Variants in ARL8B observed in about 807,000 individuals in gnomAD.
ARL8B encodes the protein ARF like GTPase 8B.
Under a neutral mutation model 30.6 loss-of-function variants are expected in ARL8B, and 9 were observed. The observed-to-expected ratio is 0.29, with a 90% CI of 0.18 to 0.51. The LOEUF is 0.51. Among genes scored for constraint, ARL8B ranks in the 20% least tolerant of loss-of-function variants. The pLI, the probability that ARL8B is intolerant of heterozygous loss-of-function variation, is 0.97. For synonymous variants in ARL8B, 74 were observed against 76.0 expected, an observed-to-expected ratio of 0.97 and a Z score of 0.14; for missense variants, 130 against 227.2, an observed-to-expected ratio of 0.57 and a Z score of 2.75.
rs2054766218 is a variant in ARL8B, at chr3:5,180,159, G to A, written c.*1446G>A. 2.0e-5 allele frequency: 3 copies of A among 152,650 alleles called. No individual in the cohort carries two copies. The highest frequency in any genetic ancestry group is 1.3e-4 in the Admixed American group (2 of 15,278). 9.5% of individuals were successfully genotyped at this position (152,650 alleles called of 1,614,324 possible). On this transcript the variant is annotated 3_prime_UTR_variant, in exon 7 of 7. Coordinates refer to ENST00000256496, the MANE Select transcript of ARL8B (RefSeq NM_018184.3). ...TTGAGCACTCAGAGTGTAGTCAACA[G>A]TAAGTTCTTTTAATGAATATCAGTT...
At chr3:5,171,552 T>C (rs1310161634) in intron 2 of ARL8B, among the ~76,000 whole-genome samples, 2 of 152,122 alleles carry the variant, frequency 1.3e-5, no homozygotes, top group East Asian at 3.9e-4. Flanking sequence ...TTCACTGTGT[T>C]GGCCAGGCTG....
At chr3:5,141,372 TCTTC>T (rs577940504) in intron 1 of ARL8B, among the ~76,000 whole-genome samples, 2 of 152,382 alleles carry the variant, frequency 1.3e-5, no homozygotes, top group South Asian at 4.1e-4. Context: ...TCATTTACTT[TCTTC>T]CTTATAGGAG....
At chr3:5,168,743 T>C (rs1263961162) in intron 1 of ARL8B, among the ~76,000 whole-genome samples, 1 of 152,218 alleles carries the variant, frequency 6.6e-6, no homozygotes, top group Admixed American at 6.5e-5. Context: ...CATTAAATCA[T>C]GTTCTATAGG....
At chr3:5,148,506 A>G (rs1028727389) in intron 1 of ARL8B, among the ~76,000 whole-genome samples, 1 of 151,916 alleles carries the variant, frequency 6.6e-6, no homozygotes, top group Non-Finnish European at 1.5e-5. Flanking sequence ...CCTGTCCACT[A>G]TTTTGTGAGA....
At chr3:5,132,954 A>G (rs1206100138) in intron 1 of ARL8B, among the ~76,000 whole-genome samples, 2 of 152,208 alleles carry the variant, frequency 1.3e-5, no homozygotes, top group Non-Finnish European at 2.9e-5. Context: ...GGACAGTGGC[A>G]GGAATGGCTT....
chr3:5,127,161 C>G (rs1444451888), intron 1 of ARL8B, among the ~76,000 whole-genome samples: 1 of 152,174 alleles, frequency 6.6e-6, no homozygotes, highest in African/African-American at 2.4e-5. Flanking sequence ...ATTTTCCCCT[C>G]ATTTTTTAGA....
At chr3:5,146,687 A>C (rs1444231207) in intron 1 of ARL8B, among the ~76,000 whole-genome samples, 4 of 152,134 alleles carry the variant, frequency 2.6e-5, no homozygotes, top group African/African-American at 9.7e-5. Context: ...TCTCACAATC[A>C]GGTCTCCACC....
chr3:5,136,840 C>T (rs1198766436), intron 1 of ARL8B, among the ~76,000 whole-genome samples: 1 of 152,076 alleles, frequency 6.6e-6, no homozygotes, highest in South Asian at 2.1e-4. Context: ...CTCCTTTCCC[C>T]CTAGATGGCA....
chr3:5,163,825 G>A (rs1191127188), intron 1 of ARL8B, among the ~76,000 whole-genome samples: 2 of 152,198 alleles, frequency 1.3e-5, no homozygotes, highest in East Asian at 1.9e-4. Flanking sequence ...AGCCGAGATC[G>A]TGCCATTGCA....
chr3:5,155,242 C>T (rs2054521545), intron 1 of ARL8B, among the ~76,000 whole-genome samples: 1 of 152,128 alleles, frequency 6.6e-6, no homozygotes, highest in South Asian at 2.1e-4. Context: ...AGCCCATTGC[C>T]TTCTGAATTC....
intron 1 of ARL8B, among the ~76,000 whole-genome samples, chr3:5,169,285 CAT>C (rs1221127761): frequency 6.7e-6 from 1 of 149,650 alleles, no homozygotes; most frequent in Non-Finnish European, 1.5e-5. Context: ...TTAGGTACCT[CAT>C]AAAGTGAAAT....
chr3:5,122,999 T>C (rs1440619444), intron 1 of ARL8B, among the ~76,000 whole-genome samples: 2 of 152,170 alleles, frequency 1.3e-5, no homozygotes, highest in African/African-American at 4.8e-5. Flanking sequence ...CCGTCAGCCG[T>C]ACGAGAAAGC....
intron 1 of ARL8B, among the ~76,000 whole-genome samples, chr3:5,148,955 C>T (rs1559280230): frequency 6.6e-6 from 1 of 152,146 alleles, no homozygotes; most frequent in Non-Finnish European, 1.5e-5. Flanking sequence ...TTTGATCAGC[C>T]TCTATGTCTG....
chr3:5,164,037 A>G (rs146495961), intron 1 of ARL8B, among the ~76,000 whole-genome samples: 2 of 152,294 alleles, frequency 1.3e-5, no homozygotes, highest in African/African-American at 4.8e-5. Flanking sequence ...CTGTATATCA[A>G]AATCTGTACG....
At chr3:5,166,530 G>C (rs1373810960) in intron 1 of ARL8B, among the ~76,000 whole-genome samples, 2 of 151,572 alleles carry the variant, frequency 1.3e-5, no homozygotes, top group Non-Finnish European at 2.9e-5. Flanking sequence ...TAGAGGCAGG[G>C]TTTCACCATG....
Position 5,122,344 on chromosome 3 carries a change from C to G in ARL8B, c.-122C>G, listed in dbSNP as rs917585251. Reference sequence around the variant, plus strand: ...GGCTGCTGCCGCCCGCCGGTGTCCGCCCGTGTCGCGCCGGGGCACCAAGGA... The same window carrying G: ...GGCTGCTGCCGCCCGCCGGTGTCCGGCCGTGTCGCGCCGGGGCACCAAGGA... On this transcript the variant is annotated 5_prime_UTR_variant, in exon 1 of 7. Transcript: ENST00000256496. The G allele has an allele frequency of 6.5e-7, 1 of 1,545,910 alleles. No individual in the cohort carries two copies. Among genetic ancestry groups the G allele is most frequent in the African/African-American group, 1.4e-5 (1 of 72,882 alleles).
chr3:5,161,575 G>A (rs2054581062), intron 1 of ARL8B, among the ~76,000 whole-genome samples: 1 of 152,200 alleles, frequency 6.6e-6, no homozygotes, highest in African/African-American at 2.4e-5. Context: ...TGAGGTTTGA[G>A]CTAGTATAGG....
chr3:5,135,450 A>C (rs993940438), intron 1 of ARL8B, among the ~76,000 whole-genome samples: 9 of 150,192 alleles, frequency 6.0e-5, no homozygotes, highest in African/African-American at 1.5e-4. Context: ...TGGCTCACTT[A>C]ATTATTACTA....
At chr3:5,164,182 C>G (rs552671887) in intron 1 of ARL8B, among the ~76,000 whole-genome samples, 142 of 152,298 alleles carry the variant, frequency 9.3e-4, no homozygotes, top group African/African-American at 3.3e-3. Flanking sequence ...TAAGTGGACC[C>G]ATATGCACTT....
Sources: gnomAD v4.1 joint callset for allele counts (sites outside exome capture counted in the v4.1 genomes callset) on GRCh38, gnomAD v4.1.1 for gene constraint, MANE v1.5 for transcripts, NCBI Gene and HGNC (gene_info 2026-07-23, HGNC 2026-07-21) for gene names.